ITSN2: variants seen among roughly 807,000 people sequenced by gnomAD.
ITSN2 encodes the protein intersectin-2.
A neutral mutation model predicts 243.7 loss-of-function variants in ITSN2; 156 were observed. The ratio of observed to expected loss-of-function variants is 0.64; its 90% CI spans 0.56 to 0.73. The LOEUF is 0.73. ITSN2 is among the 30% of genes least tolerant of loss of function. ITSN2 has a pLI of 0.00. For missense variants in ITSN2, 1,801 were observed against 1,996.1 expected (o/e 0.90, Z 1.86); for synonymous variants, 703 against 699.9 (o/e 1.00, Z -0.07).
intron 7 of ITSN2, among the ~76,000 whole-genome samples, chr2:24,309,920 C>A (rs897231832): frequency 3.9e-5 from 6 of 151,982 alleles, no homozygotes; most frequent in African/African-American, 1.5e-4. Flanking sequence ...TAAAAGATAT[C>A]CAATTAGTAG....
intron 15 of ITSN2, among the ~76,000 whole-genome samples, chr2:24,287,703 T>C (rs1679695351): frequency 6.6e-6 from 1 of 152,092 alleles, no homozygotes; most frequent in South Asian, 2.1e-4. Flanking sequence ...TACCACTCGT[T>C]ATCTCTGATC....
intron 15 of ITSN2, among the ~76,000 whole-genome samples, chr2:24,287,908 T>A (rs1679721576): frequency 6.6e-6 from 1 of 152,104 alleles, no homozygotes; most frequent in Non-Finnish European, 1.5e-5. Flanking sequence ...TGGTATTGAG[T>A]TATATATATT....
intron 15 of ITSN2, among the ~76,000 whole-genome samples, chr2:24,286,870 G>A (rs911087856): frequency 6.6e-6 from 1 of 152,058 alleles, no homozygotes; most frequent in Non-Finnish European, 1.5e-5. Flanking sequence ...AAGAACAGAA[G>A]GTTTCATTTT....
At chr2:24,260,850 GC>G (rs1228161808) in intron 22 of ITSN2, among the ~76,000 whole-genome samples, 1 of 146,764 alleles carries the variant, frequency 6.8e-6, no homozygotes, top group Non-Finnish European at 1.5e-5. Flanking sequence ...GTTGCAGTGA[GC>G]CGAGACTGCA....
chr2:24,346,208 T>C (rs990121568), intron 1 of ITSN2, among the ~76,000 whole-genome samples: 4 of 152,166 alleles, frequency 2.6e-5, no homozygotes, highest in African/African-American at 9.7e-5. Flanking sequence ...CAAACACTAC[T>C]TTAGCCAGCT....
At chr2:24,328,017 T>C (rs1330802788) in intron 2 of ITSN2, 35 bp downstream of exon 2, 3 of 1,570,852 alleles carry the variant, frequency 1.9e-6, no homozygotes, top group East Asian at 2.3e-5. Flanking sequence ...AAAAAATCCA[T>C]AACCTCATCT....
At chr2:24,246,683 G>T in intron 28 of ITSN2, 114 bp downstream of exon 28, 1 of 691,014 alleles carries the variant, frequency 1.4e-6, no homozygotes, top group Non-Finnish European at 2.4e-6. Flanking sequence ...CTTTTAAGCA[G>T]ACATAAGGAA....
At chr2:24,278,920 G>A (rs1678398769) in intron 17 of ITSN2, among the ~76,000 whole-genome samples, 1 of 152,082 alleles carries the variant, frequency 6.6e-6, no homozygotes, top group Admixed American at 6.6e-5. Context: ...CCAAAGGGCT[G>A]GGATTGCAGG....
chr2:24,358,487 CA>C (rs1688656938), intron 1 of ITSN2, among the ~76,000 whole-genome samples: 1 of 152,088 alleles, frequency 6.6e-6, no homozygotes, highest in Non-Finnish European at 1.5e-5. Context: ...CCATGGTAAA[CA>C]TATTTTATAC....
In ITSN2 at chr2:24,209,911, A is replaced by C. The variant is rs1267028555; in HGVS notation, c.4380T>G (p.Leu1460=). 4 of 1,614,008 alleles carry C rather than the reference A, an allele frequency of 2.5e-6. No individual in the cohort carries two copies. Among genetic ancestry groups the C allele is most frequent in the Non-Finnish European group, 2.5e-6 (3 of 1,179,950 alleles). ...CAAACTGCTTGACCATGTAGGTAAG[A>C]AGCAGGAAGTCATTGAAGAGGAATC... is the stretch of plus-strand genomic sequence containing the variant. ...LHGFLFNDFL[L]LTYMVKQFAV... The change falls in exon 35 of 40, where the codon CTT becomes CTG. Residue 1460 remains leucine (L), a synonymous_variant. Coordinates refer to ENST00000355123, the MANE Select transcript of ITSN2 (RefSeq NM_006277.3).
chr2:24,224,757 C>T (rs1033593472), intron 29 of ITSN2, among the ~76,000 whole-genome samples: 2 of 152,094 alleles, frequency 1.3e-5, no homozygotes, highest in Non-Finnish European at 2.9e-5. Flanking sequence ...CCTCAGTCTC[C>T]GAGTAGCTGG....
rs553537740 is a variant in ITSN2 at position 24,347,711 on chromosome 2, T to C, written c.-34+12593A>G. Among the ~76,000 whole-genome samples the C allele has an allele frequency of 9.0e-4, 78 of 86,682 alleles. 4 individuals are homozygous for C. The South Asian group carries it at 0.032, about 36-fold the overall frequency. The allele number at this position is 86,682 out of a possible 152,430, so 56.9% of individuals were successfully genotyped here. On this transcript the variant is annotated intron_variant, in intron 1 of 39. Coordinates refer to ENST00000355123, the MANE Select transcript of ITSN2 (RefSeq NM_006277.3). ...CAAAAAAAAAATTGTAGAATATGAA[T>C]GTAAATTTGGGTTTTCTTTTTTTTT...
At position 24,204,381 on chromosome 2, in the gene ITSN2, G is replaced by A. The variant is rs147454224; in HGVS notation, c.4800C>T (p.Ser1600=). ...SNPYCEISMG[S]QSYTTRTIQD... is the part of the protein sequence containing the mutation. Reference sequence around the variant, plus strand: ...GGATGGTCCTGGTGGTGTAGCTCTGGGAGCCCATGCTGATTTCACAGTATG... The same window carrying A: ...GGATGGTCCTGGTGGTGTAGCTCTGAGAGCCCATGCTGATTTCACAGTATG... The change falls in exon 39 of 40, where the codon TCC becomes TCT. Residue 1600 remains serine (S), a synonymous_variant. Coordinates refer to ENST00000355123, the MANE Select transcript of ITSN2 (RefSeq NM_006277.3). This position sits in a 1 kb window ranked among gnomAD's most constrained non-coding sequence, Gnocchi z 5.1. 1,135 of 1,614,066 alleles carry A rather than the reference G, an allele frequency of 7.0e-4. 1 individual carries two copies. The highest frequency in any genetic ancestry group is 9.3e-4 in the Non-Finnish European group (1,095 of 1,180,030).
intron 13 of ITSN2, among the ~76,000 whole-genome samples, chr2:24,296,895 T>C (rs1305924015): frequency 6.6e-6 from 1 of 152,188 alleles, no homozygotes; most frequent in Admixed American, 6.5e-5. Context: ...CACATTCTTA[T>C]CCTCAACATG....
intron 22 of ITSN2, among the ~76,000 whole-genome samples, chr2:24,260,842 T>C (rs1450683393): frequency 7.0e-6 from 1 of 142,784 alleles, no homozygotes; most frequent in Non-Finnish European, 1.5e-5. Context: ...AGCCGGAGGT[T>C]GCAGTGAGCC....
rs767903722 is a variant in ITSN2, at chr2:24,216,130, C to T, written c.3909G>A (p.Arg1303=). 9.3e-6 allele frequency: 15 copies of T among 1,613,058 alleles called. No individual in the cohort carries two copies. The highest frequency in any genetic ancestry group is 3.3e-4 in the Middle Eastern group (2 of 6,084). The change falls in exon 32 of 40, where the codon AGG becomes AGA. Residue 1303 remains arginine, a synonymous_variant. Coordinates refer to ENST00000355123, the MANE Select transcript of ITSN2 (RefSeq NM_006277.3). The part of the protein sequence containing the change: ...AELSHMQAYI[R]FCSCQLNGAA... ...CTCCATTAAGCTGGCAGCTGCAGAA[C>T]CTGATGTAAGCCTGCATGTGGGACA... is the stretch of plus-strand genomic sequence containing the variant.
At chr2:24,257,012 A>G (rs1018490933) in intron 23 of ITSN2, among the ~76,000 whole-genome samples, 1 of 152,184 alleles carries the variant, frequency 6.6e-6, no homozygotes, top group South Asian at 2.1e-4. Context: ...AACTTTTCTA[A>G]CTGATTTATG....
intron 5 of ITSN2, among the ~76,000 whole-genome samples, chr2:24,311,972 A>G (rs957549006): frequency 6.6e-6 from 1 of 152,144 alleles, no homozygotes; most frequent in Admixed American, 6.5e-5. Context: ...GTAAAAGGAG[A>G]CACTAACTGG....
In ITSN2 at chr2:24,308,620, A is replaced by G; in HGVS notation, c.790T>C (p.Ser264Pro). 6.7e-7 allele frequency: 1 copy of G among 1,495,198 alleles called. No homozygotes were observed. The highest frequency in any genetic ancestry group is 8.9e-7 in the Non-Finnish European group (1 of 1,118,048). 92.6% of individuals were successfully genotyped at this position (1,495,198 alleles called of 1,614,324 possible). ...TLDKSMSGYL[S>P]GFQARNALLQ... ...TTCAGCACTGTATGCTGCTTACCTG[A>G]GAGATATCCACTCATACTTTTGTCA... The change falls in exon 8 of 40, where the codon TCA becomes CCA. Residue 264 changes from serine (S) to proline (P), a missense_variant. By Grantham distance (74) the Ser-to-Pro change is moderately conservative. Transcript: ENST00000355123.
Sources: gnomAD v4.1 joint callset for allele counts (sites outside exome capture counted in the v4.1 genomes callset) on GRCh38, gnomAD v4.1.1 for gene constraint, Gnocchi (gnomAD v3.1) non-coding constraint, MANE v1.5 for transcripts, NCBI Gene and HGNC (gene_info 2026-07-23, HGNC 2026-07-21) for gene names.